NOL4: variants seen among roughly 807,000 people sequenced by gnomAD.
NOL4 encodes nucleolar protein 4.
NOL4 carries 17 observed loss-of-function variants against 75.9 expected under a neutral mutation model. The ratio of observed to expected loss-of-function variants is 0.22; its 90% CI spans 0.15 to 0.34. The LOEUF (loss-of-function observed/expected upper bound fraction) is 0.34. Ranked by LOEUF, NOL4 falls within the 10% of genes least tolerant of loss-of-function variation. NOL4 has a pLI of 1.00. For synonymous variants in NOL4, 292 were observed against 289.9 expected, an observed-to-expected ratio of 1.01 and a Z score of -0.07; for missense variants, 614 against 793.5, an observed-to-expected ratio of 0.77 and a Z score of 2.72.
intron 6 of NOL4, among the ~76,000 whole-genome samples, chr18:34,012,384 T>C (rs2074423232): frequency 6.6e-6 from 1 of 151,936 alleles, no homozygotes; most frequent in South Asian, 2.1e-4. Flanking sequence ...ATTATATCTT[T>C]CTTATGTATC....
chr18:34,196,999 C>T (rs2035378140), intron 1 of NOL4, among the ~76,000 whole-genome samples: 2 of 151,876 alleles, frequency 1.3e-5, no homozygotes, highest in African/African-American at 4.8e-5. Context: ...GTTTTGAGTT[C>T]TTCTGTTTTC....
At chr18:34,110,369 G>T (rs1043493901) in intron 2 of NOL4, among the ~76,000 whole-genome samples, 1 of 151,986 alleles carries the variant, frequency 6.6e-6, no homozygotes, top group Non-Finnish European at 1.5e-5. Flanking sequence ...AGGATGCAAG[G>T]ATGTTTCAAC....
At chr18:34,011,708 T>C (rs1276888927) in intron 6 of NOL4, among the ~76,000 whole-genome samples, 1 of 151,524 alleles carries the variant, frequency 6.6e-6, no homozygotes, top group East Asian at 1.9e-4. Context: ...ATAAACAAAA[T>C]AGACAACTTC....
At chr18:34,125,392 T>A (rs1015397619) in intron 2 of NOL4, among the ~76,000 whole-genome samples, 2 of 152,204 alleles carry the variant, frequency 1.3e-5, no homozygotes, top group Admixed American at 1.3e-4. Context: ...TTGTTCAGAA[T>A]TCTTGAGTTT....
intron 1 of NOL4, among the ~76,000 whole-genome samples, chr18:34,209,194 CAAAAAAA>C (rs777403436): frequency 1.8e-5 from 1 of 56,470 alleles, no homozygotes; most frequent in Non-Finnish European, 4.1e-5. Context: ...ACTCTGTCTC[CAAAAAAA>C]AAAAAAAAAA....
chr18:34,017,223 T>G (rs2074748387), intron 6 of NOL4, among the ~76,000 whole-genome samples: 1 of 152,184 alleles, frequency 6.6e-6, no homozygotes, highest in Non-Finnish European at 1.5e-5. Context: ...TTGTCTGTAC[T>G]TGTTCTAAGA....
intron 10 of NOL4, among the ~76,000 whole-genome samples, chr18:33,869,182 A>G (rs2063576696): frequency 6.6e-6 from 1 of 151,898 alleles, no homozygotes; most frequent in Non-Finnish European, 1.5e-5. Context: ...ATTTATATAG[A>G]ATACTATAAA....
At chr18:33,953,195 A>G (rs1036114152) in intron 8 of NOL4, among the ~76,000 whole-genome samples, 90 of 151,620 alleles carry the variant, frequency 5.9e-4, no homozygotes, top group Admixed American at 5.9e-3. Context: ...AAGCGTTTTA[A>G]TCTTCAAGAT....
intron 1 of NOL4, among the ~76,000 whole-genome samples, chr18:34,185,380 A>T (rs1345959580): frequency 6.6e-6 from 1 of 152,180 alleles, no homozygotes; most frequent in Non-Finnish European, 1.5e-5. Flanking sequence ...AGCAACAGGA[A>T]GAAGGCCAGA....
intron 1 of NOL4, among the ~76,000 whole-genome samples, chr18:34,185,014 C>T (rs2034345547): frequency 6.6e-6 from 1 of 152,044 alleles, no homozygotes; most frequent in Non-Finnish European, 1.5e-5. Context: ...GTCATCTCAT[C>T]CTCTAACAAC....
chr18:34,082,085 A>G (rs1444662988), intron 5 of NOL4, among the ~76,000 whole-genome samples: 1 of 152,216 alleles, frequency 6.6e-6, no homozygotes, highest in African/African-American at 2.4e-5. Flanking sequence ...CAAGCTATAT[A>G]AAAATATTAG....
intron 10 of NOL4, among the ~76,000 whole-genome samples, chr18:33,868,034 ATTCT>A (rs1367273145): frequency 1.3e-5 from 2 of 149,130 alleles, no homozygotes; most frequent in Non-Finnish European, 3.0e-5. Context: ...CGGTCTACTG[ATTCT>A]TTATCTTTTT....
chr18:33,994,741 A>G (rs2146152025), intron 6 of NOL4, among the ~76,000 whole-genome samples: 1 of 151,732 alleles, frequency 6.6e-6, no homozygotes. Flanking sequence ...ACAGGAAAAC[A>G]AAGGACAAAC....
chr18:34,024,575 C>T (rs1328967190), intron 5 of NOL4, among the ~76,000 whole-genome samples: 1 of 152,006 alleles, frequency 6.6e-6, no homozygotes, highest in African/African-American at 2.4e-5. Context: ...CAAACAACAA[C>T]AACAACAACA....
intron 1 of NOL4, among the ~76,000 whole-genome samples, chr18:34,213,491 C>T (rs1386296891): frequency 2.0e-5 from 3 of 152,146 alleles, no homozygotes; most frequent in Non-Finnish European, 2.9e-5. Flanking sequence ...GGTTTCACCA[C>T]GTTGGGCAGG....
intron 8 of NOL4, among the ~76,000 whole-genome samples, chr18:33,946,389 G>C (rs1037710158): frequency 6.6e-6 from 1 of 151,600 alleles, no homozygotes; most frequent in East Asian, 1.9e-4. Flanking sequence ...AACAATCTTT[G>C]AGAAAAGTAC....
At chr18:34,015,754 A>G (rs2074652322) in intron 6 of NOL4, among the ~76,000 whole-genome samples, 1 of 152,028 alleles carries the variant, frequency 6.6e-6, no homozygotes. Flanking sequence ...AATATGTCCA[A>G]TGGACACTGC....
At position 34,182,257 on chromosome 18, in the gene NOL4, C is replaced by T. The variant is rs182161507; in HGVS notation, c.264+40733G>A. ...AATGATATGCTGAGGCACACTATAA[C>T]ATGCCTGAAACTTGAGAACATGCTA... On this transcript the variant is annotated intron_variant, in intron 1 of 10. Transcript: ENST00000261592. Among the ~76,000 whole-genome samples, 426 of 151,726 alleles carry T rather than the reference C, an allele frequency of 2.8e-3. 4 individuals carry two copies. The highest frequency in any genetic ancestry group is 9.9e-3 in the African/African-American group (410 of 41,468).
chr18:33,959,732 T>C (rs2042712392), intron 6 of NOL4, among the ~76,000 whole-genome samples: 1 of 152,084 alleles, frequency 6.6e-6, no homozygotes, highest in Admixed American at 6.6e-5. Flanking sequence ...ACCTAGTCAA[T>C]TGGTTCCCTT....
Sources: gnomAD v4.1 joint callset for allele counts (sites outside exome capture counted in the v4.1 genomes callset) on GRCh38, gnomAD v4.1.1 for gene constraint, MANE v1.5 for transcripts, NCBI Gene and HGNC (gene_info 2026-07-23, HGNC 2026-07-21) for gene names.